Variants in TRMT9B observed in about 807,000 individuals in gnomAD.
The protein encoded by TRMT9B is tRNA methyltransferase 9B (putative), also known as probable tRNA methyltransferase 9B.
Under a neutral mutation model 11.5 loss-of-function variants are expected in TRMT9B, and 16 were observed. The observed-to-expected ratio is 1.39, with a 90% CI of 0.94 to 2.11. The LOEUF is 2.11. Among genes scored for constraint, TRMT9B ranks in the 30% most tolerant of loss-of-function variants. The pLI, the probability that TRMT9B is intolerant of heterozygous loss-of-function variation, is 0.00. For missense variants in TRMT9B, 941 were observed against 553.8 expected, an observed-to-expected ratio of 1.70 and a Z score of -7.02; for synonymous variants, 274 against 192.4, an observed-to-expected ratio of 1.42 and a Z score of -3.51.
At chr8:12,952,727 T>C (rs1369856049) in intron 1 of TRMT9B, 1 of 972,806 alleles carries the variant, frequency 1.0e-6, no homozygotes, top group Admixed American at 6.2e-5. Flanking sequence ...ATGATATTAC[T>C]TGCTATGTGT....
intron 3 of TRMT9B, among the ~76,000 whole-genome samples, chr8:13,008,960 C>G (rs1228407672): frequency 6.6e-6 from 1 of 151,974 alleles, no homozygotes; most frequent in Non-Finnish European, 1.5e-5. Context: ...GATCTCCTGA[C>G]TTTGTGATCC....
At chr8:12,984,982 C>T (rs1806021345) in intron 1 of TRMT9B, among the ~76,000 whole-genome samples, 1 of 130,846 alleles carries the variant, frequency 7.6e-6, no homozygotes, top group Non-Finnish European at 1.7e-5. Context: ...CACACACACA[C>T]ACACACTCTC....
At chr8:12,980,148 C>G (rs1297997080) in intron 1 of TRMT9B, among the ~76,000 whole-genome samples, 1 of 152,132 alleles carries the variant, frequency 6.6e-6, no homozygotes, top group Non-Finnish European at 1.5e-5. Flanking sequence ...TCTTGCAGCT[C>G]AGGAGGCCAG....
At chr8:13,013,429 C>G (rs889042370) in intron 4 of TRMT9B, among the ~76,000 whole-genome samples, 25 of 152,242 alleles carry the variant, frequency 1.6e-4, no homozygotes, top group African/African-American at 6.0e-4. Flanking sequence ...ATGTGTTTCT[C>G]ATATCCTCCC....
rs397811776 is a variant in TRMT9B, at chr8:12,957,477, A to AT, written c.-200+11512dup. On this transcript the variant is annotated intron_variant, in intron 1 of 4. Transcript: ENST00000524591. ...ATTTATGATTAGAGTAATTAAAAAAATACAGGTACATTCTCAATGTTAAGA... is the reference window on the plus strand; with the variant it reads ...ATTTATGATTAGAGTAATTAAAAAAATTACAGGTACATTCTCAATGTTAAGA... Among the ~76,000 whole-genome samples, 5 of 151,942 alleles carry AT rather than the reference A, an allele frequency of 3.3e-5. 1 individual carries two copies. The highest frequency in any genetic ancestry group is 2.6e-4 in the Admixed American group (4 of 15,252).
At chr8:12,982,137 C>T (rs577573708) in intron 1 of TRMT9B, among the ~76,000 whole-genome samples, 1 of 152,280 alleles carries the variant, frequency 6.6e-6, no homozygotes, top group Admixed American at 6.5e-5. Context: ...AAAAAATCAG[C>T]TGGTCCCTCT....
At chr8:12,960,604 T>G (rs1219118877) in intron 1 of TRMT9B, 1 of 152,202 alleles carries the variant, frequency 6.6e-6, no homozygotes, top group East Asian at 1.9e-4. Flanking sequence ...AGTATATCCT[T>G]ACAATGGAAT....
chr8:13,012,606 A>G (rs757768846), intron 3 of TRMT9B, 78 bp from the exon 4 acceptor site: 12 of 1,470,912 alleles, frequency 8.2e-6, no homozygotes, highest in Admixed American at 2.2e-5. Context: ...GGTTAATTAT[A>G]TTTCTTGTTA....
At position 13,021,186 on chromosome 8, in the gene TRMT9B, C is replaced by T. The variant is rs920448623; in HGVS notation, c.507C>T (p.Phe169=). The T allele has an allele frequency of 6.2e-7, 1 of 1,613,802 alleles. No individual in the cohort carries two copies. The highest frequency in any genetic ancestry group is 8.5e-7 in the Non-Finnish European group (1 of 1,179,798). The change falls in exon 5 of 5, where the codon TTC becomes TTT. Residue 169 remains phenylalanine, a synonymous_variant. Coordinates refer to ENST00000524591, the MANE Select transcript of TRMT9B (RefSeq NM_020844.3). The stretch of plus-strand genomic sequence containing the variant: ...ACAGGGCTCTGTGTTCCCAGCTCTT[C>T]TCAGAGTCCAGCCAGTCTGGGAGGA... ...PWNRALCSQL[F]SESSQSGRKR...
chr8:12,990,854 ACT>A lies in TRMT9B; in HGVS notation c.-177_-176del. On this transcript the variant is annotated 5_prime_UTR_variant, in exon 2 of 5. An upstream open reading frame in the 5' UTR loses its in-frame stop. Coordinates refer to ENST00000524591, the MANE Select transcript of TRMT9B (RefSeq NM_020844.3). ...GATAGGGCCTGTGCTTCCTTCAGAG[ACT>A]CACACAAGAGGTTTATCATGAGAAG... 7.8e-7 allele frequency: 1 copy of A among 1,289,412 alleles called. No homozygotes were observed. Among genetic ancestry groups the A allele is most frequent in the Non-Finnish European group, 1.0e-6 (1 of 988,464 alleles). The allele number at this position is 1,289,412 out of a possible 1,614,324, so 79.9% of individuals were successfully genotyped here.
intron 3 of TRMT9B, chr8:13,011,130 G>A (rs767169581): frequency 2.7e-4 from 85 of 312,060 alleles, no homozygotes; most frequent in Non-Finnish European, 3.3e-4. Flanking sequence ...GGGATTACAG[G>A]TACCTGCCAC....
At chr8:12,959,915 T>G (rs1290074002) in intron 1 of TRMT9B, 1 of 152,172 alleles carries the variant, frequency 6.6e-6, no homozygotes, top group African/African-American at 2.4e-5. Context: ...TACAGCAGAA[T>G]AGGGAGCTTC....
chr8:13,022,020 A>C lies in TRMT9B; in HGVS notation c.1341A>C (p.Ala447=). 2 of 1,596,362 alleles carry C rather than the reference A, an allele frequency of 1.3e-6. No individual in the cohort carries two copies. The highest frequency in any genetic ancestry group is 1.7e-6 in the Non-Finnish European group (2 of 1,172,848). The change falls in exon 5 of 5, where the codon GCA becomes GCC. Residue 447 remains alanine (A), a synonymous_variant. Coordinates refer to ENST00000524591, the MANE Select transcript of TRMT9B (RefSeq NM_020844.3). ...ATCATGGTAACTGGTGTATCATTGC[A>C]GAGAAAAAGAGAGGTTGTGATTGAT... ...GNDHGNWCII[A]EKKRGCD
chr8:12,984,707 A>G (rs899576263), intron 1 of TRMT9B, among the ~76,000 whole-genome samples: 15 of 152,292 alleles, frequency 9.8e-5, no homozygotes, highest in Admixed American at 9.8e-4. Context: ...ACCAGCAGCC[A>G]ATGCCTAGGG....
At chr8:13,019,336 G>T (rs924164111) in intron 4 of TRMT9B, among the ~76,000 whole-genome samples, 4 of 152,184 alleles carry the variant, frequency 2.6e-5, no homozygotes, top group Admixed American at 1.3e-4. Flanking sequence ...CTGTTGGCCA[G>T]ACTGGACTGC....
At chr8:13,004,482 C>T (rs868648241) in intron 2 of TRMT9B, among the ~76,000 whole-genome samples, 1 of 151,810 alleles carries the variant, frequency 6.6e-6, no homozygotes, top group Non-Finnish European at 1.5e-5. Context: ...AGTTCAGCTG[C>T]GGTAGGATAG....
At chr8:13,020,940 C>A (rs1813710835) in intron 4 of TRMT9B, 68 bp from the exon 5 acceptor site, 12 of 1,045,176 alleles carry the variant, frequency 1.1e-5, no homozygotes, top group Non-Finnish European at 1.6e-5. Flanking sequence ...ATATGGTAAA[C>A]ACCAGTGTAT....
intron 1 of TRMT9B, among the ~76,000 whole-genome samples, chr8:12,959,234 C>G (rs561638700): frequency 1.3e-5 from 2 of 152,074 alleles, no homozygotes; most frequent in South Asian, 2.1e-4. Flanking sequence ...TTGAAATGCT[C>G]CAGTATCCAA....
rs1451729673 is a variant in TRMT9B, at chr8:12,945,735, TC to T, written c.-430del. On this transcript the variant is annotated 5_prime_UTR_variant, in exon 1 of 5. An upstream open reading frame in the 5' UTR loses its in-frame stop. Transcript: ENST00000524591. ...ATATGTCAGAAGTAGATGCACATGT[TC>T]TTTTGGCTTTTTTTCTTTGTTTTAT... 1 of 152,250 alleles carries T rather than the reference TC, an allele frequency of 6.6e-6. No homozygotes were observed. Among genetic ancestry groups the T allele is most frequent in the African/African-American group, 2.4e-5 (1 of 41,460 alleles). The allele number at this position is 152,250 out of a possible 1,614,324, so 9.4% of individuals were successfully genotyped here.
Sources: allele counts gnomAD v4.1 joint callset (sites outside exome capture counted in the v4.1 genomes callset), GRCh38; gene constraint gnomAD v4.1.1; transcripts MANE v1.5; gene names NCBI Gene and HGNC (gene_info 2026-07-23, HGNC 2026-07-21).